The following PLCB1 variants were observed in gnomAD, a reference collection of about 807,000 sequenced individuals.
PLCB1 encodes the protein phospholipase C beta 1.
Under a neutral mutation model 161.8 loss-of-function variants are expected in PLCB1, and 46 were observed. That is an observed-to-expected ratio of 0.28 (90% CI 0.22 to 0.36). The LOEUF (loss-of-function observed/expected upper bound fraction) is 0.36. PLCB1 is among the 10% of genes least tolerant of loss of function. PLCB1 has a pLI of 1.00. For synonymous variants in PLCB1, 517 were observed against 503.7 expected, an observed-to-expected ratio of 1.03 and a Z score of -0.35; for missense variants, 1,016 against 1,472.5, an observed-to-expected ratio of 0.69 and a Z score of 5.07.
chr20:8,385,335 G>T (rs1809399993), intron 3 of PLCB1, among the ~76,000 whole-genome samples: 1 of 152,204 alleles, frequency 6.6e-6, no homozygotes, highest in Non-Finnish European at 1.5e-5. Context: ...GTGTTGGGCT[G>T]TGGGGGAACC....
chr20:8,388,526 T>C (rs187211310), intron 3 of PLCB1, among the ~76,000 whole-genome samples: 16 of 152,326 alleles, frequency 1.1e-4, no homozygotes, highest in African/African-American at 3.6e-4. Flanking sequence ...AAGAAAACTC[T>C]TTACACAACA....
intron 3 of PLCB1, among the ~76,000 whole-genome samples, chr20:8,527,606 T>C (rs1399089124): frequency 1.3e-5 from 2 of 152,074 alleles, no homozygotes; most frequent in Non-Finnish European, 2.9e-5. Context: ...AATGTCAAAA[T>C]AGTAGTTCCT....
intron 31 of PLCB1, among the ~76,000 whole-genome samples, chr20:8,824,007 C>G (rs918631131): frequency 6.6e-6 from 1 of 152,136 alleles, no homozygotes; most frequent in African/African-American, 2.4e-5. Flanking sequence ...ATACTTCTCT[C>G]TATCCCGCCT....
chr20:8,470,799 A>AT (rs963889720), intron 3 of PLCB1, among the ~76,000 whole-genome samples: 4 of 151,148 alleles, frequency 2.6e-5, no homozygotes, highest in East Asian at 1.9e-4. Flanking sequence ...CCATTTTTTA[A>AT]TTTTTTTTTC....
At chr20:8,629,454 C>T (rs1021155112) in intron 4 of PLCB1, among the ~76,000 whole-genome samples, 11 of 152,266 alleles carry the variant, frequency 7.2e-5, no homozygotes, top group South Asian at 4.1e-4. Flanking sequence ...GCAATGCTTT[C>T]TCTAGAAACG....
intron 4 of PLCB1, among the ~76,000 whole-genome samples, chr20:8,630,654 T>C (rs1988556547): frequency 6.6e-6 from 1 of 152,202 alleles, no homozygotes; most frequent in South Asian, 2.1e-4. Flanking sequence ...TTGCAAAATA[T>C]TTTTAAAATA....
intron 3 of PLCB1, among the ~76,000 whole-genome samples, chr20:8,493,421 A>AT (rs201102279): frequency 0.011 from 1,718 of 152,260 alleles, 30 homozygotes; most frequent in African/African-American, 0.038. Flanking sequence ...TAAGGTTGTG[A>AT]TTTTACATCA....
At chr20:8,512,724 A>C (rs1024596384) in intron 3 of PLCB1, among the ~76,000 whole-genome samples, 1 of 152,168 alleles carries the variant, frequency 6.6e-6, no homozygotes. Flanking sequence ...GAGCAATTTG[A>C]TACATGTATA....
At position 8,685,032 on chromosome 20, in the gene PLCB1, C is replaced by A. The variant is rs779382331; in HGVS notation, c.963C>A (p.Pro321=). ...KLDLNEDMSQ[P]LSHYFINSSH... ...ATTTGAATGAAGACATGTCTCAGCC[C>A]CTTTCTCACTATTTCATTAATTCCT... is the stretch of plus-strand genomic sequence containing the variant. Residue 321 remains proline, a synonymous_variant, in exon 10 of 32, where the codon CCC becomes CCA. Transcript: ENST00000338037. The A allele has an allele frequency of 1.9e-6, 3 of 1,613,764 alleles. No homozygotes were observed. The African/African-American group carries it at 4.0e-5, about 22-fold the overall frequency.
intron 4 of PLCB1, among the ~76,000 whole-genome samples, chr20:8,644,603 T>C (rs74676896): frequency 0.46 from 66,460 of 145,522 alleles, 15,315 homozygotes; most frequent in African/African-American, 0.56. Context: ...GCCTGGCAGC[T>C]GCCCTGTCTG....
chr20:8,397,954 C>T (rs147981062), intron 3 of PLCB1, among the ~76,000 whole-genome samples: 154 of 151,894 alleles, frequency 1.0e-3, no homozygotes, highest in African/African-American at 3.7e-3. Flanking sequence ...TGCAAAAGTT[C>T]AGTTTCAGGA....
intron 31 of PLCB1, among the ~76,000 whole-genome samples, chr20:8,873,797 C>T (rs547851633): frequency 2.9e-4 from 44 of 152,004 alleles, no homozygotes; most frequent in African/African-American, 1.0e-3. Context: ...TAAGTGAGAG[C>T]CTTATGATTT....
chr20:8,548,094 C>T (rs1985622986), intron 3 of PLCB1, among the ~76,000 whole-genome samples: 2 of 151,442 alleles, frequency 1.3e-5, no homozygotes, highest in South Asian at 4.2e-4. Flanking sequence ...TCCTCCCTTT[C>T]TTCCTCCCTT....
intron 11 of PLCB1, among the ~76,000 whole-genome samples, chr20:8,705,881 G>A (rs1442734975): frequency 6.6e-6 from 1 of 152,212 alleles, no homozygotes; most frequent in African/African-American, 2.4e-5. Context: ...ATGTGAAATG[G>A]GAGGTCATTG....
At chr20:8,419,855 T>C (rs11906585) in intron 3 of PLCB1, among the ~76,000 whole-genome samples, 4,241 of 152,224 alleles carry the variant, frequency 0.028, 193 homozygotes, top group African/African-American at 0.095. Context: ...AATCTTCTTA[T>C]AAAGTTTGAA....
At chr20:8,290,490 C>A (rs1011403530) in intron 2 of PLCB1, among the ~76,000 whole-genome samples, 4 of 152,116 alleles carry the variant, frequency 2.6e-5, no homozygotes, top group Non-Finnish European at 4.4e-5. Context: ...AACAAGTCAC[C>A]AATCACATCA....
intron 3 of PLCB1, among the ~76,000 whole-genome samples, chr20:8,541,798 A>G (rs1303357052): frequency 1.3e-5 from 2 of 152,200 alleles, no homozygotes; most frequent in Non-Finnish European, 2.9e-5. Context: ...ACTGACCTGC[A>G]AGCAATGTCT....
intron 2 of PLCB1, among the ~76,000 whole-genome samples, chr20:8,344,665 C>A (rs968640415): frequency 1.3e-5 from 2 of 152,170 alleles, no homozygotes; most frequent in Non-Finnish European, 2.9e-5. Flanking sequence ...CCGGTGCTCA[C>A]CCCAACAGGA....
intron 2 of PLCB1, among the ~76,000 whole-genome samples, chr20:8,366,954 A>T (rs1986730059): frequency 6.6e-6 from 1 of 152,232 alleles, no homozygotes; most frequent in Admixed American, 6.5e-5. Context: ...TATGAAGTAT[A>T]ATGCAAAGGT....
Sources: gnomAD v4.1 joint callset for allele counts (sites outside exome capture counted in the v4.1 genomes callset) on GRCh38, gnomAD v4.1.1 for gene constraint, MANE v1.5 for transcripts, NCBI Gene and HGNC (gene_info 2026-07-23, HGNC 2026-07-21) for gene names.